SNX24: variants seen among roughly 807,000 people sequenced by gnomAD.
The protein encoded by SNX24 is sorting nexin-24.
Under a neutral mutation model 28.7 loss-of-function variants are expected in SNX24, and 22 were observed. The ratio of observed to expected loss-of-function variants is 0.77; its 90% CI spans 0.55 to 1.10. The LOEUF is 1.10. SNX24 is among the 50% of genes least tolerant of loss of function. SNX24 has a pLI of 0.00. For synonymous variants in SNX24, 69 were observed against 71.5 expected (o/e 0.96, Z 0.18); for missense variants, 221 against 201.1 (o/e 1.10, Z -0.60).
chr5:122,917,136 G>A (rs182218647), intron 1 of SNX24, among the ~76,000 whole-genome samples: 184 of 151,914 alleles, frequency 1.2e-3, no homozygotes, highest in South Asian at 3.3e-3. Context: ...GTGTGTTGGC[G>A]TGCACCTGTA....
chr5:122,882,819 A>G (rs191405788), intron 1 of SNX24, among the ~76,000 whole-genome samples: 21 of 152,082 alleles, frequency 1.4e-4, no homozygotes, highest in Non-Finnish European at 1.6e-4. Flanking sequence ...TAAATTATGA[A>G]TAATAACATA....
At chr5:122,971,663 A>C (rs1017504983) in intron 3 of SNX24, among the ~76,000 whole-genome samples, 2 of 152,248 alleles carry the variant, frequency 1.3e-5, no homozygotes, top group African/African-American at 4.8e-5. Context: ...ATATCACATG[A>C]TAAGGGAAAA....
At chr5:122,902,923 A>T (rs564719610) in intron 1 of SNX24, among the ~76,000 whole-genome samples, 1 of 152,098 alleles carries the variant, frequency 6.6e-6, no homozygotes, top group East Asian at 1.9e-4. Context: ...CAAATATATC[A>T]TTGCAATTCT....
At chr5:123,007,293 G>A (rs570523575) in intron 6 of SNX24, among the ~76,000 whole-genome samples, 3 of 152,356 alleles carry the variant, frequency 2.0e-5, no homozygotes, top group African/African-American at 7.2e-5. Flanking sequence ...CTGCAGTGAG[G>A]TATTCCCAGT....
At chr5:123,028,875 A>C in intron 5 of SNX24, 1 of 1,582,602 alleles carries the variant, frequency 6.3e-7, no homozygotes, top group Non-Finnish European at 8.7e-7. Context: ...CTTTCTAAAG[A>C]GATTACTTCA....
intron 1 of SNX24, among the ~76,000 whole-genome samples, chr5:122,902,243 T>A (rs1757476056): frequency 6.6e-6 from 1 of 152,236 alleles, no homozygotes; most frequent in South Asian, 2.1e-4. Context: ...TTCTATTGCC[T>A]CTTGGCTCTC....
intron 1 of SNX24, among the ~76,000 whole-genome samples, chr5:122,886,816 C>T (rs866905304): frequency 6.6e-5 from 10 of 150,952 alleles, no homozygotes; most frequent in African/African-American, 1.5e-4. Flanking sequence ...GCCAACAGAG[C>T]GAGACTCTGA....
intron 1 of SNX24, among the ~76,000 whole-genome samples, chr5:122,926,857 C>G (rs1422634530): frequency 6.6e-6 from 1 of 152,180 alleles, no homozygotes; most frequent in Non-Finnish European, 1.5e-5. Context: ...GTGAGTGCAG[C>G]AGCCCACTGC....
rs1241931847 is a variant in SNX24, at chr5:122,858,419, A to G, written c.60+12726A>G. On this transcript the variant is annotated intron_variant, in intron 1 of 6. Coordinates refer to ENST00000261369, the MANE Select transcript of SNX24 (RefSeq NM_014035.4). ...TCTGCAAAGCACATTAAAGCAAAGT[A>G]TAGTCAAACAAGGTAAAGCCTGTAT... Among the ~76,000 whole-genome samples, 3 of 152,244 alleles carry G rather than the reference A, an allele frequency of 2.0e-5. No individual in the cohort carries two copies. In the East Asian group the frequency reaches 5.8e-4, roughly 29 times the overall value.
intron 1 of SNX24, among the ~76,000 whole-genome samples, chr5:122,909,917 A>G (rs1757807235): frequency 6.6e-6 from 1 of 152,200 alleles, no homozygotes; most frequent in South Asian, 2.1e-4. Context: ...ATCTTTCACA[A>G]ACTACCTAAT....
At chr5:122,964,247 C>CAAA (rs34174497) in intron 3 of SNX24, among the ~76,000 whole-genome samples, 850 of 36,414 alleles carry the variant, frequency 0.023, 32 homozygotes, top group Non-Finnish European at 0.035. Flanking sequence ...GACTCCATCT[C>CAAA]AAAAAAAAAA....
intron 3 of SNX24, among the ~76,000 whole-genome samples, chr5:122,971,193 A>G (rs953133815): frequency 6.6e-6 from 1 of 152,330 alleles, no homozygotes; most frequent in East Asian, 1.9e-4. Context: ...TTGGAGTCTG[A>G]TGTTTAAGGG....
intron 1 of SNX24, among the ~76,000 whole-genome samples, chr5:122,889,644 TAC>T (rs1756867628): frequency 6.8e-6 from 1 of 147,054 alleles, no homozygotes; most frequent in Non-Finnish European, 1.5e-5. Flanking sequence ...TATATACACA[TAC>T]ATATGTATAT....
At chr5:123,023,913 C>T (rs769048726) in intron 5 of SNX24, 135 of 1,613,734 alleles carry the variant, frequency 8.4e-5, no homozygotes, top group Non-Finnish European at 1.1e-4. Context: ...GGCGTTTTCA[C>T]GTCTATCTTG....
intron 1 of SNX24, among the ~76,000 whole-genome samples, chr5:122,852,039 G>A (rs1251872601): frequency 6.6e-6 from 1 of 151,460 alleles, no homozygotes; most frequent in Non-Finnish European, 1.5e-5. Context: ...AGTGATTTGT[G>A]TGCATTTTAT....
chr5:122,909,851 C>T (rs767868826), intron 1 of SNX24, among the ~76,000 whole-genome samples: 1 of 152,156 alleles, frequency 6.6e-6, no homozygotes, highest in East Asian at 1.9e-4. Flanking sequence ...AGGAATGCGC[C>T]ATTACTACAG....
chr5:122,851,746 A>G (rs1041442709), intron 1 of SNX24, among the ~76,000 whole-genome samples: 3 of 152,156 alleles, frequency 2.0e-5, no homozygotes, highest in African/African-American at 7.2e-5. Flanking sequence ...ACAATTTAAT[A>G]AACTATCATT....
At chr5:122,952,686 A>T (rs1760002058) in intron 3 of SNX24, among the ~76,000 whole-genome samples, 1 of 152,260 alleles carries the variant, frequency 6.6e-6, no homozygotes, top group Non-Finnish European at 1.5e-5. Context: ...TTTGGGACAT[A>T]AAATATATCT....
chr5:122,917,181 C>T (rs1034320912), intron 1 of SNX24, among the ~76,000 whole-genome samples: 4 of 150,144 alleles, frequency 2.7e-5, no homozygotes, highest in Admixed American at 6.7e-5. Flanking sequence ...AGCTTGAACC[C>T]GGGAGGTGGA....
Sources: allele counts gnomAD v4.1 joint callset (sites outside exome capture counted in the v4.1 genomes callset), GRCh38; gene constraint gnomAD v4.1.1; transcripts MANE v1.5; gene names NCBI Gene and HGNC (gene_info 2026-07-23, HGNC 2026-07-21).